Variants in ANK2 observed in about 807,000 individuals in gnomAD.
ANK2 encodes ankyrin 2.
ANK2 carries 83 observed loss-of-function variants against 360.5 expected under a neutral mutation model. The observed-to-expected ratio is 0.23, with a 90% CI of 0.19 to 0.28. The LOEUF is 0.28. ANK2 is among the 10% of genes least tolerant of loss of function. ANK2 has a pLI of 1.00. For missense variants in ANK2, 4,201 were observed against 4,795.7 expected, an observed-to-expected ratio of 0.88 and a Z score of 3.66; for synonymous variants, 1,740 against 1,759.5, an observed-to-expected ratio of 0.99 and a Z score of 0.28.
chr4:112,759,783 A>G, the ANK2 span, among the ~76,000 whole-genome samples: 1 of 152,072 alleles, frequency 6.6e-6, no homozygotes, highest in Admixed American at 6.6e-5. Context: ...GTACTTTTCA[A>G]AGTGCTTCTA....
At chr4:113,191,274 C>T (rs935771204) in intron 2 of ANK2, among the ~76,000 whole-genome samples, 2 of 152,000 alleles carry the variant, frequency 1.3e-5, no homozygotes. Flanking sequence ...ACCTGGGAGG[C>T]GGAGGTTGCA....
chr4:113,353,092 G>A lies in ANK2; in HGVS notation c.4474G>A (p.Val1492Ile). The change falls in exon 38 of 46, where the codon GTT becomes ATT. Residue 1492 changes from valine to isoleucine, a missense_variant. By Grantham distance (29) the Val-to-Ile change is conservative (BLOSUM62 3). Coordinates refer to ENST00000357077, the MANE Select transcript of ANK2 (RefSeq NM_001148.6). Reference sequence around the variant, plus strand: ...AACATCTGTCCTGAAAAGTCACCTGGTTAATGAAGTTCCTGTCCTAGCAAG... The same window carrying A: ...AACATCTGTCCTGAAAAGTCACCTGATTAATGAAGTTCCTGTCCTAGCAAG... ...TETSVLKSHL[V>I]NEVPVLASPD... is the part of the protein sequence containing the mutation. 1.2e-6 allele frequency: 2 copies of A among 1,613,922 alleles called. No individual in the cohort carries two copies. The highest frequency in any genetic ancestry group is 2.2e-5 in the East Asian group (1 of 44,874).
chr4:112,828,475 CA>C (rs1334010449), intron 1 of ANK2, among the ~76,000 whole-genome samples: 1 of 152,110 alleles, frequency 6.6e-6, no homozygotes, highest in Non-Finnish European at 1.5e-5. Context: ...CCTCGTGATC[CA>C]CCCGCCTCGG....
chr4:113,247,358 T>C (rs893369279), intron 9 of ANK2, among the ~76,000 whole-genome samples: 1 of 152,180 alleles, frequency 6.6e-6, no homozygotes, highest in African/African-American at 2.4e-5. Context: ...TTGAGCCTGT[T>C]GGGTAACTTG....
chr4:113,153,369 A>C (rs192779619), intron 1 of ANK2, among the ~76,000 whole-genome samples: 1 of 152,332 alleles, frequency 6.6e-6, no homozygotes, highest in Non-Finnish European at 1.5e-5. Flanking sequence ...CTTCTAAGAT[A>C]CCTAGTAAAA....
the ANK2 span, among the ~76,000 whole-genome samples, chr4:112,720,411 TC>T: frequency 9.8e-5 from 15 of 152,294 alleles, no homozygotes; most frequent in African/African-American, 3.6e-4. Flanking sequence ...CCATCTTTTC[TC>T]CAGTCTTACT....
At chr4:112,827,475 C>T in intron 1 of ANK2, 1 of 1,347,410 alleles carries the variant, frequency 7.4e-7, no homozygotes, top group Non-Finnish European at 1.1e-6. Context: ...CTGGGACATC[C>T]AGCCTGACAG....
intron 4 of ANK2, among the ~76,000 whole-genome samples, chr4:113,221,100 A>G (rs1425886030): frequency 1.3e-5 from 2 of 152,202 alleles, no homozygotes; most frequent in Admixed American, 6.5e-5. Context: ...TGTTAACGAA[A>G]AACTCACAGA....
chr4:112,742,603 T>C, the ANK2 span, among the ~76,000 whole-genome samples: 1 of 152,196 alleles, frequency 6.6e-6, no homozygotes, highest in Non-Finnish European at 1.5e-5. Context: ...TTTTGCTTCT[T>C]TTTAAAAGAA....
At chr4:113,031,015 T>TA (rs1393489617) in intron 2 of ANK2, among the ~76,000 whole-genome samples, 1 of 152,000 alleles carries the variant, frequency 6.6e-6, no homozygotes, top group Non-Finnish European at 1.5e-5. Flanking sequence ...AAGAGAATAG[T>TA]AAAATGACCA....
chr4:113,373,350 G>A lies in ANK2; in HGVS notation c.11760G>A (p.Val3920=), dbSNP rs760074450. 1 of 1,614,164 alleles carries A rather than the reference G, an allele frequency of 6.2e-7. No homozygotes were observed. The highest frequency in any genetic ancestry group is 8.5e-7 in the Non-Finnish European group (1 of 1,180,010). Residue 3920 remains valine (V), a synonymous_variant, in exon 45 of 46, where the codon GTG becomes GTA. Transcript: ENST00000357077. ...SEGTEKEEIM[V]QGMPQEPVNI... is the part of the protein sequence containing the mutation. ...GCACAGAGAAAGAAGAGATTATGGT[G>A]CAGGGAATGCCACAGGAACCTGTCA... is the stretch of plus-strand genomic sequence containing the variant.
chr4:112,996,094 A>G (rs2048410542), intron 2 of ANK2, among the ~76,000 whole-genome samples: 1 of 152,240 alleles, frequency 6.6e-6, no homozygotes, highest in Admixed American at 6.5e-5. Context: ...CAACTGGTGA[A>G]TAGATAAAAA....
At chr4:112,967,466 T>G (rs1023903681) in intron 2 of ANK2, among the ~76,000 whole-genome samples, 1 of 152,218 alleles carries the variant, frequency 6.6e-6, no homozygotes, top group African/African-American at 2.4e-5. Flanking sequence ...AGAAGTATTT[T>G]TCCATTGTTC....
chr4:113,095,832 A>C (rs1403534598), intron 1 of ANK2, among the ~76,000 whole-genome samples: 1 of 152,100 alleles, frequency 6.6e-6, no homozygotes, highest in Admixed American at 6.5e-5. Flanking sequence ...ATGCATGTTT[A>C]TAGTAGTTAA....
At chr4:112,854,918 T>C (rs1479218353) in intron 1 of ANK2, among the ~76,000 whole-genome samples, 3 of 152,128 alleles carry the variant, frequency 2.0e-5, no homozygotes, top group African/African-American at 7.2e-5. Flanking sequence ...TTTAAATCTT[T>C]GTATTTTTTT....
chr4:113,105,023 A>G lies in ANK2; in HGVS notation c.84+55211A>G, dbSNP rs114981942. On this transcript the variant is annotated intron_variant, in intron 1 of 45. Coordinates refer to ENST00000357077, the MANE Select transcript of ANK2 (RefSeq NM_001148.6). ...ACTCCAGGAAATAGGTGAGAATCCA[A>G]TCAGATTGAGAGGCTAATGTTCATG... Among the ~76,000 whole-genome samples the G allele has an allele frequency of 1.7e-3, 259 of 152,206 alleles. 1 individual carries two copies. The highest frequency in any genetic ancestry group is 5.6e-3 in the African/African-American group (231 of 41,556).
chr4:112,788,533 C>T, the ANK2 span: 32 of 1,580,802 alleles, frequency 2.0e-5, no homozygotes, highest in South Asian at 1.1e-5. Flanking sequence ...TCTTCTCGGC[C>T]TGGGCCAACA....
chr4:112,812,715 T>C, the ANK2 span, among the ~76,000 whole-genome samples: 1 of 152,346 alleles, frequency 6.6e-6, no homozygotes, highest in East Asian at 1.9e-4. Context: ...ACTTTTTACA[T>C]AGCCATAGTA....
At position 113,348,995 on chromosome 4, in the gene ANK2, T is replaced by C. The variant is rs2095198808; in HGVS notation, c.4404+687T>C. On this transcript the variant is annotated intron_variant, in intron 36 of 45. Transcript: ENST00000357077. Reference sequence around the variant, plus strand: ...AGCATATAGCTGATTCCTTAGACTATATCATAATGCAGAACTATGCTAATA... The same window carrying C: ...AGCATATAGCTGATTCCTTAGACTACATCATAATGCAGAACTATGCTAATA... 1.3e-5 allele frequency among the ~76,000 whole-genome samples: 2 copies of C among 152,152 alleles called. 1 individual carries two copies. The highest frequency in any genetic ancestry group is 4.1e-4 in the South Asian group (2 of 4,832).
Sources: gnomAD v4.1 joint callset for allele counts (sites outside exome capture counted in the v4.1 genomes callset) on GRCh38, gnomAD v4.1.1 for gene constraint, MANE v1.5 for transcripts, NCBI Gene and HGNC (gene_info 2026-07-23, HGNC 2026-07-21) for gene names.